The following DYM variants were observed in gnomAD, a reference collection of about 807,000 sequenced individuals.
DYM encodes the protein dymeclin, also known as dyggve-Melchior-Clausen syndrome protein.
A neutral mutation model predicts 93.1 loss-of-function variants in DYM; 78 were observed. That is an observed-to-expected ratio of 0.84 (90% CI 0.70 to 1.01). The LOEUF (loss-of-function observed/expected upper bound fraction) is 1.01. DYM is among the 50% of genes least tolerant of loss of function. DYM has a pLI of 0.00. For missense variants in DYM, 789 were observed against 845.0 expected (o/e 0.93, Z 0.82); for synonymous variants, 321 against 319.7 (o/e 1.00, Z -0.04).
At chr18:49,060,472 A>G (rs1053382850) in intron 17 of DYM, among the ~76,000 whole-genome samples, 4 of 151,328 alleles carry the variant, frequency 2.6e-5, no homozygotes, top group Admixed American at 6.6e-5. Flanking sequence ...TATATTTCCT[A>G]CAAAGTGCCT....
At chr18:49,217,457 T>C (rs1368031773) in intron 13 of DYM, among the ~76,000 whole-genome samples, 1 of 152,034 alleles carries the variant, frequency 6.6e-6, no homozygotes, top group South Asian at 2.1e-4. Context: ...AATTGTCAGA[T>C]TCACCAAAGT....
chr18:49,380,678 A>G (rs1260749595), intron 3 of DYM, among the ~76,000 whole-genome samples: 2 of 152,242 alleles, frequency 1.3e-5, no homozygotes, highest in Non-Finnish European at 2.9e-5. Flanking sequence ...TGGGCTGCAC[A>G]GCAAGTCACA....
intron 17 of DYM, among the ~76,000 whole-genome samples, chr18:49,067,737 A>T (rs1458152349): frequency 6.6e-6 from 1 of 152,226 alleles, no homozygotes; most frequent in South Asian, 2.1e-4. Flanking sequence ...GTTAAATAAC[A>T]CACAACAAAA....
chr18:49,188,152 G>A (rs2090626449), intron 14 of DYM, among the ~76,000 whole-genome samples: 1 of 152,142 alleles, frequency 6.6e-6, no homozygotes, highest in East Asian at 1.9e-4. Flanking sequence ...GCGTTCATTT[G>A]GCTGTTTGGG....
intron 13 of DYM, among the ~76,000 whole-genome samples, chr18:49,220,759 A>G (rs1400322960): frequency 6.6e-6 from 1 of 152,236 alleles, no homozygotes; most frequent in African/African-American, 2.4e-5. Context: ...TTAATTCAAG[A>G]TGGATTAAAG....
intron 17 of DYM, among the ~76,000 whole-genome samples, chr18:49,069,963 C>T (rs1307232730): frequency 6.6e-6 from 1 of 152,210 alleles, no homozygotes; most frequent in Non-Finnish European, 1.5e-5. Context: ...ATTGCCTGAA[C>T]CCGGGGGGTG....
intron 15 of DYM, among the ~76,000 whole-genome samples, chr18:49,128,164 T>C (rs950215559): frequency 6.6e-6 from 1 of 152,224 alleles, no homozygotes; most frequent in Non-Finnish European, 1.5e-5. Flanking sequence ...AGTGTTCTGA[T>C]TGAAATCCAG....
chr18:49,052,333 G>A (rs1005219326), intron 17 of DYM, among the ~76,000 whole-genome samples: 2 of 152,172 alleles, frequency 1.3e-5, no homozygotes, highest in Admixed American at 1.3e-4. Context: ...AAGCCAGCAT[G>A]GTTTGAGACT....
intron 13 of DYM, among the ~76,000 whole-genome samples, chr18:49,247,919 C>G (rs750790344): frequency 1.5e-4 from 23 of 152,172 alleles, no homozygotes; most frequent in Non-Finnish European, 2.6e-4. Flanking sequence ...ACTTAGCTGC[C>G]TTCAAAGTAC....
chr18:49,150,060 G>T (rs2085648647), intron 15 of DYM, among the ~76,000 whole-genome samples: 3 of 152,090 alleles, frequency 2.0e-5, no homozygotes. Flanking sequence ...ATTTAAAACT[G>T]GTAACCTGGA....
intron 2 of DYM, among the ~76,000 whole-genome samples, chr18:49,404,342 T>C (rs960159330): frequency 9.2e-5 from 14 of 152,218 alleles, no homozygotes; most frequent in African/African-American, 3.1e-4. Context: ...TAGGTTGATG[T>C]GATGTCTTTG....
intron 17 of DYM, among the ~76,000 whole-genome samples, chr18:49,091,206 T>G (rs2079021429): frequency 6.6e-6 from 1 of 152,120 alleles, no homozygotes; most frequent in African/African-American, 2.4e-5. Flanking sequence ...ATGTACCAGG[T>G]ACACTTCAGA....
chr18:49,071,970 G>A (rs1319394907), intron 17 of DYM, among the ~76,000 whole-genome samples: 3 of 152,144 alleles, frequency 2.0e-5, no homozygotes, highest in Non-Finnish European at 2.9e-5. Context: ...CCTTACCCCT[G>A]GGCCTGCTAA....
chr18:49,263,779 G>C (rs2094527462), intron 11 of DYM, among the ~76,000 whole-genome samples: 1 of 152,132 alleles, frequency 6.6e-6, no homozygotes, highest in Non-Finnish European at 1.5e-5. Flanking sequence ...ACACTAAAAA[G>C]CACAGAGCAG....
Position 49,118,945 on chromosome 18 carries a change from C to T in DYM, c.1729-19G>A. 1 of 1,609,922 alleles carries T rather than the reference C, an allele frequency of 6.2e-7. No homozygotes were observed. Among genetic ancestry groups the T allele is most frequent in the Non-Finnish European group, 8.5e-7 (1 of 1,176,620 alleles). On this transcript the variant is annotated intron_variant, in intron 15 of 17. Transcript: ENST00000675505. Reference sequence around the variant, plus strand: ...CTTGTGCCTTATAGAGAAAAGAAACCCCAACACAGAGTCAGTCTTTTCCTC... The same window carrying T: ...CTTGTGCCTTATAGAGAAAAGAAACTCCAACACAGAGTCAGTCTTTTCCTC...
chr18:49,104,239 T>C (rs1047363186), intron 16 of DYM, among the ~76,000 whole-genome samples: 13 of 152,210 alleles, frequency 8.5e-5, no homozygotes, highest in African/African-American at 3.1e-4. Context: ...ATAAGAATGC[T>C]TGTGATTTTT....
At chr18:49,445,124 GT>G (rs1431279508) in intron 1 of DYM, among the ~76,000 whole-genome samples, 1 of 152,084 alleles carries the variant, frequency 6.6e-6, no homozygotes, top group Non-Finnish European at 1.5e-5. Context: ...TTGTAGAAAT[GT>G]TTTCTCTCTT....
At chr18:49,450,876 A>G (rs981925454) in intron 1 of DYM, among the ~76,000 whole-genome samples, 1 of 152,174 alleles carries the variant, frequency 6.6e-6, no homozygotes, top group African/African-American at 2.4e-5. Context: ...GTTCCTTCTG[A>G]AAAGACAGTT....
intron 17 of DYM, among the ~76,000 whole-genome samples, chr18:49,058,273 ACAC>A (rs2075674476): frequency 6.6e-6 from 1 of 152,060 alleles, no homozygotes; most frequent in African/African-American, 2.4e-5. Context: ...ATATTTTATA[ACAC>A]AGGCTCCAAT....
Sources: allele counts gnomAD v4.1 joint callset (sites outside exome capture counted in the v4.1 genomes callset), GRCh38; gene constraint gnomAD v4.1.1; transcripts MANE v1.5; gene names NCBI Gene and HGNC (gene_info 2026-07-23, HGNC 2026-07-21).